CSMD3: variants seen among roughly 807,000 people sequenced by gnomAD.
CSMD3 encodes CUB and sushi domain-containing protein 3.
A neutral mutation model predicts 435.2 loss-of-function variants in CSMD3; 177 were observed. The observed-to-expected ratio is 0.41, with a 90% confidence interval of 0.36 to 0.46. The LOEUF (loss-of-function observed/expected upper bound fraction) is 0.46, where lower values mean the gene tolerates loss of function less well. Among genes scored for constraint, CSMD3 ranks in the 20% least tolerant of loss-of-function variants. CSMD3 has a pLI of 0.34. For missense variants in CSMD3, 4,265 were observed against 4,504.6 expected (o/e 0.95, Z 1.52); for synonymous variants, 1,656 against 1,520.5 (o/e 1.09, Z -2.07).
chr8:113,402,093 T>A (rs2133206064), intron 1 of CSMD3, among the ~76,000 whole-genome samples: 1 of 151,644 alleles, frequency 6.6e-6, no homozygotes, highest in East Asian at 1.9e-4. Context: ...AGGAAAGAAT[T>A]GTCTTTGCTT....
chr8:112,456,297 G>T (rs1563559060), intron 32 of CSMD3, among the ~76,000 whole-genome samples: 1 of 152,078 alleles, frequency 6.6e-6, no homozygotes, highest in Non-Finnish European at 1.5e-5. Flanking sequence ...AATGAAGGGA[G>T]ATAACTTGGT....
intron 56 of CSMD3, 40 bp from the exon 57 acceptor site, chr8:112,289,578 C>T: frequency 2.2e-6 from 3 of 1,343,422 alleles, no homozygotes; most frequent in Non-Finnish European, 3.1e-6. Flanking sequence ...TTTTTTATAT[C>T]TCCTATCGAA....
intron 18 of CSMD3, among the ~76,000 whole-genome samples, chr8:112,652,711 C>A (rs2075158042): frequency 6.6e-6 from 1 of 151,954 alleles, no homozygotes; most frequent in African/African-American, 2.4e-5. Context: ...GGAAATGTTG[C>A]AAAATTGAGA....
intron 9 of CSMD3, among the ~76,000 whole-genome samples, chr8:112,938,761 G>C (rs2083361753): frequency 6.6e-6 from 1 of 152,114 alleles, no homozygotes; most frequent in African/African-American, 2.4e-5. Context: ...GATAATGCCA[G>C]AAAGTTAGGT....
chr8:112,675,175 T>C (rs1313599936), intron 16 of CSMD3, among the ~76,000 whole-genome samples: 1 of 152,160 alleles, frequency 6.6e-6, no homozygotes, highest in African/African-American at 2.4e-5. Flanking sequence ...CTCCATTTTG[T>C]TAGTCACACA....
intron 11 of CSMD3, among the ~76,000 whole-genome samples, chr8:112,849,279 A>G (rs1327827901): frequency 6.6e-6 from 1 of 152,080 alleles, no homozygotes; most frequent in Admixed American, 6.5e-5. Flanking sequence ...TCCTGGAGTC[A>G]TCAAAATTAT....
intron 1 of CSMD3, among the ~76,000 whole-genome samples, chr8:113,350,046 A>G (rs2094179384): frequency 2.0e-5 from 3 of 151,978 alleles, no homozygotes; most frequent in Admixed American, 2.0e-4. Flanking sequence ...ACTACTTGGT[A>G]CAGAAAGGCA....
At chr8:112,672,700 CAAT>C (rs1382883734) in intron 16 of CSMD3, among the ~76,000 whole-genome samples, 6 of 152,150 alleles carry the variant, frequency 3.9e-5, no homozygotes, top group South Asian at 4.1e-4. Flanking sequence ...ATGAAAACAA[CAAT>C]GAGATATGTA....
At chr8:113,386,948 A>G (rs1335266170) in intron 1 of CSMD3, among the ~76,000 whole-genome samples, 1 of 151,840 alleles carries the variant, frequency 6.6e-6, no homozygotes, top group Non-Finnish European at 1.5e-5. Flanking sequence ...CGCAATGGCA[A>G]TATAAAGCAT....
At chr8:112,656,125 G>A (rs761398088) in intron 18 of CSMD3, 29 bp downstream of exon 18, 3 of 1,216,540 alleles carry the variant, frequency 2.5e-6, no homozygotes, top group East Asian at 4.7e-5. Context: ...AACAGAATGA[G>A]GAAATCAAAA....
rs143273617 is a variant in CSMD3, at chr8:113,037,854, C to T, written c.918-18675G>A. Among the ~76,000 whole-genome samples, 25 of 151,976 alleles carry T rather than the reference C, an allele frequency of 1.6e-4. No homozygotes were observed. The East Asian group carries it at 4.2e-3, about 26-fold the overall frequency. On this transcript the variant is annotated intron_variant, in intron 5 of 70. Coordinates refer to ENST00000297405, the MANE Select transcript of CSMD3 (RefSeq NM_198123.2). ...TTAATTCTCCAGTCAAATCTGTAAG[C>T]ACATTCAGGAATAATTTTGAAGATA...
At chr8:112,615,251 C>T (rs182863577) in intron 22 of CSMD3, among the ~76,000 whole-genome samples, 50 of 152,040 alleles carry the variant, frequency 3.3e-4, no homozygotes, top group Admixed American at 3.0e-3. Context: ...TTGAACTGTC[C>T]GAATGCATAG....
intron 10 of CSMD3, among the ~76,000 whole-genome samples, chr8:112,893,067 T>C (rs1233768414): frequency 6.6e-6 from 1 of 151,196 alleles, no homozygotes; most frequent in Non-Finnish European, 1.5e-5. Flanking sequence ...CTACTACTAC[T>C]ATAACAACAA....
At chr8:113,075,220 T>C (rs1055850236) in intron 5 of CSMD3, among the ~76,000 whole-genome samples, 12 of 151,808 alleles carry the variant, frequency 7.9e-5, no homozygotes, top group Admixed American at 5.9e-4. Context: ...TTAATAATCA[T>C]ATAGAACAAT....
chr8:113,073,761 G>A (rs558403747), intron 5 of CSMD3, among the ~76,000 whole-genome samples: 1 of 151,594 alleles, frequency 6.6e-6, no homozygotes, highest in Admixed American at 6.6e-5. Flanking sequence ...AACATAATGG[G>A]CATATATAGG....
At chr8:113,068,814 A>G (rs957457046) in intron 5 of CSMD3, among the ~76,000 whole-genome samples, 5 of 150,550 alleles carry the variant, frequency 3.3e-5, no homozygotes, top group Admixed American at 6.6e-5. Context: ...TTTTTCTTTT[A>G]TTTCACTGTT....
At chr8:112,841,384 G>A (rs2080174896) in intron 11 of CSMD3, among the ~76,000 whole-genome samples, 1 of 151,708 alleles carries the variant, frequency 6.6e-6, no homozygotes, top group South Asian at 2.1e-4. Flanking sequence ...TGCATTTCCA[G>A]TTCCTTGTCA....
At chr8:113,354,253 T>A (rs2094207461) in intron 1 of CSMD3, among the ~76,000 whole-genome samples, 1 of 152,150 alleles carries the variant, frequency 6.6e-6, no homozygotes, top group African/African-American at 2.4e-5. Context: ...TCATAATTGG[T>A]CAACTTAACT....
Position 112,552,538 on chromosome 8 carries a change from G to A in CSMD3, c.4361+56C>T, listed in dbSNP as rs2131200181. On this transcript the variant is annotated intron_variant, in intron 26 of 70. Coordinates refer to ENST00000297405, the MANE Select transcript of CSMD3 (RefSeq NM_198123.2). The stretch of plus-strand genomic sequence containing the variant: ...TAAATGGATATTAATTTTATATAGG[G>A]GTTGGTTAGGCACTTCAGATTCCCT... 8 of 1,526,924 alleles carry A rather than the reference G, an allele frequency of 5.2e-6. 1 individual carries two copies. Among genetic ancestry groups the A allele is most frequent in the South Asian group, 4.5e-5 (4 of 88,348 alleles). The allele number at this position is 1,526,924 out of a possible 1,614,324, so 94.6% of individuals were successfully genotyped here.
Sources: allele counts gnomAD v4.1 joint callset (sites outside exome capture counted in the v4.1 genomes callset), GRCh38; gene constraint gnomAD v4.1.1; transcripts MANE v1.5; gene names NCBI Gene and HGNC (gene_info 2026-07-23, HGNC 2026-07-21).